The following MYO16 variants were observed in gnomAD, a reference collection of about 807,000 sequenced individuals.
MYO16 encodes the protein myosin XVI.
MYO16 carries 94 observed loss-of-function variants against 205.3 expected under a neutral mutation model. The ratio of observed to expected loss-of-function variants is 0.46; its 90% CI spans 0.39 to 0.54. The LOEUF (loss-of-function observed/expected upper bound fraction) is 0.54, where lower values mean the gene tolerates loss of function less well. Among genes scored for constraint, MYO16 ranks in the 20% least tolerant of loss-of-function variants. The pLI, the probability that MYO16 is intolerant of heterozygous loss-of-function variation, is 0.00. For synonymous variants in MYO16, 988 were observed against 954.0 expected, an observed-to-expected ratio of 1.04 and a Z score of -0.66; for missense variants, 2,315 against 2,387.5, an observed-to-expected ratio of 0.97 and a Z score of 0.63.
intron 23 of MYO16, chr13:109,028,440 C>A: frequency 3.6e-6 from 1 of 280,806 alleles, no homozygotes; most frequent in African/African-American, 2.3e-5. Flanking sequence ...TGAGTAGCTC[C>A]CTTTGAAGGG....
At chr13:108,959,221 T>C (rs1360114580) in intron 17 of MYO16, among the ~76,000 whole-genome samples, 1 of 3,534 alleles carries the variant, frequency 2.8e-4, no homozygotes, top group Non-Finnish European at 1.4e-3. Context: ...GCCTCTGTTT[T>C]TCTCCTTTAG....
At chr13:108,560,794 T>C in the MYO16 span, among the ~76,000 whole-genome samples, 10 of 152,224 alleles carry the variant, frequency 6.6e-5, no homozygotes, top group Admixed American at 6.5e-4. Context: ...ATAGTATAAA[T>C]ATTATAAGTA....
chr13:109,179,009 C>G (rs1327322206), intron 33 of MYO16, among the ~76,000 whole-genome samples: 2 of 152,166 alleles, frequency 1.3e-5, no homozygotes, highest in African/African-American at 4.8e-5. Context: ...GCAGCTCTCC[C>G]CACCTTTTCC....
At chr13:108,762,143 G>C (rs2139658742) in intron 4 of MYO16, among the ~76,000 whole-genome samples, 1 of 152,256 alleles carries the variant, frequency 6.6e-6, no homozygotes, top group East Asian at 1.9e-4. Context: ...GTGGCCTCCA[G>C]TTCCATCCGT....
chr13:109,162,104 A>C lies in MYO16; in HGVS notation c.5165-2797A>C, dbSNP rs111357651. Among the ~76,000 whole-genome samples the C allele has an allele frequency of 0.024, 3,684 of 152,324 alleles. 75 individuals carry two copies. The highest frequency in any genetic ancestry group is 0.035 in the Non-Finnish European group (2,381 of 68,032). On this transcript the variant is annotated intron_variant, in intron 32 of 34. Coordinates refer to ENST00000457511, the MANE Select transcript of MYO16 (RefSeq NM_001198950.3). This position sits in a 1 kb window ranked among gnomAD's most constrained non-coding sequence, Gnocchi z 4.6. ...TGCCTCAAAAAACAAAACAAAGCCC[A>C]AAAAACATGTCTTGGCTATAGTTTA...
intron 27 of MYO16, among the ~76,000 whole-genome samples, chr13:109,099,675 C>T (rs1214556163): frequency 1.3e-5 from 2 of 152,136 alleles, no homozygotes; most frequent in Non-Finnish European, 2.9e-5. Context: ...TGTACTGCCG[C>T]ACATGTGAGC....
intron 14 of MYO16, among the ~76,000 whole-genome samples, chr13:108,896,837 C>T (rs117839164): frequency 0.05 from 7,578 of 151,890 alleles, 282 homozygotes; most frequent in Non-Finnish European, 0.075. Flanking sequence ...CCTGGTGTAA[C>T]GGCATGCCCT....
At chr13:108,780,420 T>C (rs997344759) in intron 4 of MYO16, among the ~76,000 whole-genome samples, 8 of 144,748 alleles carry the variant, frequency 5.5e-5, no homozygotes, top group Non-Finnish European at 1.0e-4. Context: ...ATCTCTTCAA[T>C]TAAACAAAGA....
intron 23 of MYO16, among the ~76,000 whole-genome samples, chr13:109,022,405 G>T (rs372753223): frequency 1.8e-5 from 2 of 112,092 alleles, no homozygotes; most frequent in Non-Finnish European, 3.4e-5. Context: ...ATGTATATAT[G>T]TATATATTGT....
intron 2 of MYO16, 85 bp from the exon 3 acceptor site, chr13:108,712,576 A>T (rs1883761670): frequency 1.7e-6 from 2 of 1,159,542 alleles, no homozygotes; most frequent in African/African-American, 1.5e-5. Flanking sequence ...TTTGCATTTT[A>T]GATATTAACG....
At chr13:108,826,479 G>A (rs1263634393) in intron 9 of MYO16, among the ~76,000 whole-genome samples, 1 of 151,996 alleles carries the variant, frequency 6.6e-6, no homozygotes. Flanking sequence ...TTTAAAAAAT[G>A]TAAATCTTTC....
intron 12 of MYO16, among the ~76,000 whole-genome samples, chr13:108,878,767 G>T (rs1449545450): frequency 1.3e-5 from 2 of 152,198 alleles, no homozygotes; most frequent in Non-Finnish European, 2.9e-5. Context: ...GCTGGCCCAG[G>T]CTCCTGTACC....
At chr13:109,083,540 T>C (rs755101416) in intron 27 of MYO16, among the ~76,000 whole-genome samples, 2 of 151,640 alleles carry the variant, frequency 1.3e-5, no homozygotes, top group Non-Finnish European at 2.9e-5. Context: ...GATTGAGGCA[T>C]GAATGATAGT....
chr13:108,618,030 T>C (rs1416783159), intron 1 of MYO16, among the ~76,000 whole-genome samples: 1 of 152,184 alleles, frequency 6.6e-6, no homozygotes. Flanking sequence ...TATTGCTTCC[T>C]GAGAATTTAC....
chr13:108,881,740 T>C (rs1049708801), intron 12 of MYO16, among the ~76,000 whole-genome samples: 2 of 148,992 alleles, frequency 1.3e-5, no homozygotes, highest in African/African-American at 4.9e-5. Context: ...AAGAGAAGTT[T>C]AGAGAAAAAA....
intron 16 of MYO16, among the ~76,000 whole-genome samples, chr13:108,952,627 A>G (rs931696868): frequency 1.3e-5 from 2 of 152,168 alleles, no homozygotes; most frequent in African/African-American, 2.4e-5. Flanking sequence ...TATAGCACCA[A>G]TGTTAACAGT....
At chr13:108,557,477 A>G in the MYO16 span, among the ~76,000 whole-genome samples, 1 of 152,210 alleles carries the variant, frequency 6.6e-6, no homozygotes, top group Non-Finnish European at 1.5e-5. Context: ...ACAGTATAAC[A>G]TATAACTGAA....
Position 109,179,622 on chromosome 13 carries a change from C to G in MYO16, c.5404C>G (p.His1802Asp). The change falls in exon 34 of 35, where the codon CAC becomes GAC. Residue 1802 changes from histidine to aspartate, a missense_variant. Transcript: ENST00000457511. ...GACATTTCAAAGACACAGGGACAGTCACACCACTCAGGTAATGATGTCTGT... is the reference window on the plus strand; with the variant it reads ...GACATTTCAAAGACACAGGGACAGTGACACCACTCAGGTAATGATGTCTGT... Reference protein sequence around the residue: ...TSTFQRHRDSHTTQVIHQLRL... With the variant: ...TSTFQRHRDSDTTQVIHQLRL... 6.2e-7 allele frequency: 1 copy of G among 1,612,316 alleles called. No individual in the cohort carries two copies. Among genetic ancestry groups the G allele is most frequent in the South Asian group, 1.1e-5 (1 of 91,006 alleles).
At chr13:108,574,669 TTG>T in the MYO16 span, among the ~76,000 whole-genome samples, 39,619 of 136,272 alleles carry the variant, frequency 0.29, 5,832 homozygotes, top group Non-Finnish European at 0.36. Context: ...CAATAACAAT[TTG>T]TGTGTGTGTG....
Sources: gnomAD v4.1 joint callset for allele counts (sites outside exome capture counted in the v4.1 genomes callset) on GRCh38, gnomAD v4.1.1 for gene constraint, Gnocchi (gnomAD v3.1) non-coding constraint, MANE v1.5 for transcripts, NCBI Gene and HGNC (gene_info 2026-07-23, HGNC 2026-07-21) for gene names.